Variants in BTN3A2 observed in about 807,000 individuals in gnomAD.
BTN3A2 encodes the protein butyrophilin subfamily 3 member A2.
BTN3A2 carries 25 observed loss-of-function variants against 37.6 expected under a neutral mutation model. That is an observed-to-expected ratio of 0.66 (90% confidence interval 0.48 to 0.93). The LOEUF (loss-of-function observed/expected upper bound fraction) is 0.93. BTN3A2 is among the 40% of genes least tolerant of loss of function. The pLI is 0.00. For synonymous variants in BTN3A2, 122 were observed against 159.4 expected (o/e 0.77, Z 1.77); for missense variants, 266 against 410.9 (o/e 0.65, Z 3.05).
chr6:26,377,093 A>C lies in BTN3A2; in HGVS notation c.*1331A>C. The C allele has an allele frequency of 1.5e-6, 2 of 1,339,404 alleles. No individual in the cohort carries two copies. The highest frequency in any genetic ancestry group is 3.4e-5 in the Admixed American group (2 of 59,420). 83.0% of individuals were successfully genotyped at this position (1,339,404 alleles called of 1,614,324 possible). ...AGCCCACTGCCCTGACCGTTTGCCC[A>C]ATACCAAAAGTAGAGAGTTCCCCCG... On this transcript the variant is annotated 3_prime_UTR_variant, in exon 11 of 11. Transcript: ENST00000377708.
chr6:26,374,841 G>C, intron 10 of BTN3A2, 43 bp downstream of exon 10: 1 of 1,487,996 alleles, frequency 6.7e-7, no homozygotes, highest in South Asian at 1.2e-5. Flanking sequence ...CAACCTGAGG[G>C]ACTATATTCC....
At position 26,370,684 on chromosome 6, in the gene BTN3A2, G is replaced by A. The variant is rs191631506; in HGVS notation, c.715+81G>A. 70 of 1,582,338 alleles carry A rather than the reference G, an allele frequency of 4.4e-5. No homozygotes were observed. In the African/African-American group the frequency reaches 6.7e-4, roughly 15 times the overall value. ...GGGGGATGTGTTAATATCTGTGGTC[G>A]ACCTGGGTCTCTGCACTGAATATAA... On this transcript the variant is annotated intron_variant, in intron 5 of 10. Transcript: ENST00000377708.
chr6:26,374,120 G>A (rs1760431800), intron 8 of BTN3A2: 9 of 479,432 alleles, frequency 1.9e-5, no homozygotes, highest in Middle Eastern at 5.8e-4. Flanking sequence ...GCGTTCAACC[G>A]ATGTTCCCAG....
Position 26,376,339 on chromosome 6 carries a change from G to A in BTN3A2, c.*577G>A. 4.3e-6 allele frequency: 1 copy of A among 232,210 alleles called. No homozygotes were observed. 14.4% of individuals were successfully genotyped at this position (232,210 alleles called of 1,614,324 possible). ...AAGAGGATCCTTGTTGCTTCTTGGG[G>A]CCGCATCAGGGTATTGGGTTAGGCA... On this transcript the variant is annotated 3_prime_UTR_variant, in exon 11 of 11. Transcript: ENST00000377708.
chr6:26,365,198 G>A lies in BTN3A2; in HGVS notation c.-221G>A, dbSNP rs1446423640. The A allele has an allele frequency of 9.2e-7, 1 of 1,086,378 alleles. No individual in the cohort carries two copies. Among genetic ancestry groups the A allele is most frequent in the Non-Finnish European group, 1.3e-6 (1 of 765,136 alleles). 67.3% of individuals were successfully genotyped at this position (1,086,378 alleles called of 1,614,324 possible). A position where few individuals can be genotyped will look rare whatever the true frequency, so the allele number is the denominator to read the frequency against. On this transcript the variant is annotated 5_prime_UTR_variant, in exon 1 of 11. Transcript: ENST00000377708. ...CAAAAAACTAATTCTTCCAAAGAGC[G>A]ACTCTTACTGTTTCTCATGGTGAGA...
rs1192533602 is a variant in BTN3A2, at chr6:26,368,827, C to T, written c.348C>T (p.Val116=). 1.2e-6 allele frequency: 2 copies of T among 1,607,546 alleles called. No homozygotes were observed. Among genetic ancestry groups the T allele is most frequent in the Non-Finnish European group, 1.7e-6 (2 of 1,176,722 alleles). ...AGKAALRIHN[V]TASDSGKYLC... is the part of the protein sequence containing the mutation. ...AGGCTGCTCTCCGAATACACAACGT[C>T]ACAGCCTCTGACAGTGGAAAGTACT... Residue 116 remains valine, a synonymous_variant, in exon 4 of 11, where the codon GTC becomes GTT. Coordinates refer to ENST00000377708, the MANE Select transcript of BTN3A2 (RefSeq NM_007047.5).
At chr6:26,367,232 C>T (rs917391966) in intron 1 of BTN3A2, among the ~76,000 whole-genome samples, 7 of 152,202 alleles carry the variant, frequency 4.6e-5, no homozygotes, top group Non-Finnish European at 8.8e-5. Flanking sequence ...GATGAGCCAT[C>T]ATTCCTCTAA....
At position 26,370,323 on chromosome 6, in the gene BTN3A2, A is replaced by T. The variant is rs1291203247; in HGVS notation, c.435A>T (p.Ala145=). 6.2e-7 allele frequency: 1 copy of T among 1,613,878 alleles called. No individual in the cohort carries two copies. The highest frequency in any genetic ancestry group is 8.5e-7 in the Non-Finnish European group (1 of 1,179,886). ...TTAGGCCAAATTATCCTTCCACAGC[A>T]CTGGGTTCTAATCTTCACGTCGAAG... ...EKALVELKVA[A]LGSNLHVEVK... is the part of the protein sequence containing the mutation. Residue 145 remains alanine, a splice_region_variant and synonymous_variant, in exon 5 of 11, where the codon GCA becomes GCT. Coordinates refer to ENST00000377708, the MANE Select transcript of BTN3A2 (RefSeq NM_007047.5).
chr6:26,371,496 G>C (rs1760108193), intron 5 of BTN3A2, among the ~76,000 whole-genome samples: 2 of 152,154 alleles, frequency 1.3e-5, no homozygotes, highest in African/African-American at 4.8e-5. Context: ...TCAGTCATTT[G>C]CTCATGTAAC....
Position 26,376,965 on chromosome 6 carries a change from C to G in BTN3A2, c.*1203C>G, listed in dbSNP as rs886627205. On this transcript the variant is annotated 3_prime_UTR_variant, in exon 11 of 11. Coordinates refer to ENST00000377708, the MANE Select transcript of BTN3A2 (RefSeq NM_007047.5). Reference sequence around the variant, plus strand: ...GGTCATCCTGGACTATGAGACTGGACATATCTCGTTCTACAATGCCACGGA... The same window carrying G: ...GGTCATCCTGGACTATGAGACTGGAGATATCTCGTTCTACAATGCCACGGA... 2.6e-5 allele frequency: 41 copies of G among 1,577,502 alleles called. No individual in the cohort carries two copies. The highest frequency in any genetic ancestry group is 1.7e-4 in the Admixed American group (10 of 59,786).
intron 10 of BTN3A2, chr6:26,375,391 G>A (rs1023276674): frequency 7.2e-6 from 3 of 417,724 alleles, no homozygotes; most frequent in East Asian, 8.0e-5. Context: ...GTAGCTTAAC[G>A]AGGGAGCTTC....
In BTN3A2 at chr6:26,374,386, G is replaced by C; in HGVS notation, c.*6+13G>C. 1 of 1,611,922 alleles carries C rather than the reference G, an allele frequency of 6.2e-7. No individual in the cohort carries two copies. On this transcript the variant is annotated intron_variant, in intron 9 of 10. Transcript: ENST00000377708. ...AGCCTGATGCTCTGTAAGTTTGCTGGGTCACATGCCCTGAATATTTCAACT... is the reference window on the plus strand; with the variant it reads ...AGCCTGATGCTCTGTAAGTTTGCTGCGTCACATGCCCTGAATATTTCAACT...
intron 1 of BTN3A2, among the ~76,000 whole-genome samples, chr6:26,366,554 G>A (rs1762083007): frequency 6.6e-6 from 1 of 152,140 alleles, no homozygotes; most frequent in African/African-American, 2.4e-5. Flanking sequence ...CTCCCTCTGA[G>A]GACAGCAGAG....
chr6:26,377,353 C>A lies in BTN3A2; in HGVS notation c.*1591C>A. 1.6e-6 allele frequency: 1 copy of A among 608,360 alleles called. No homozygotes were observed. Among genetic ancestry groups the A allele is most frequent in the Non-Finnish European group, 3.0e-6 (1 of 336,200 alleles). The allele number at this position is 608,360 out of a possible 1,614,324, so 37.7% of individuals were successfully genotyped here. ...TAGGACAGTTGTTTGAGTTTGGTGCCACCTTATTGGCCCCTTTATACAGAT... is the reference window on the plus strand; with the variant it reads ...TAGGACAGTTGTTTGAGTTTGGTGCAACCTTATTGGCCCCTTTATACAGAT... On this transcript the variant is annotated 3_prime_UTR_variant, in exon 11 of 11. Coordinates refer to ENST00000377708, the MANE Select transcript of BTN3A2 (RefSeq NM_007047.5).
intron 8 of BTN3A2, chr6:26,373,996 T>G (rs1276810439): frequency 8.0e-6 from 2 of 250,504 alleles, no homozygotes; most frequent in Non-Finnish European, 1.5e-5. Context: ...ATGAATCTTG[T>G]ACTCCTAGGC....
intron 8 of BTN3A2, 152 bp downstream of exon 8, chr6:26,373,565 C>A: frequency 1.7e-6 from 1 of 579,622 alleles, no homozygotes; most frequent in Non-Finnish European, 2.7e-6. Context: ...TTTGGAGAAA[C>A]CACCCAGTGC....
intron 4 of BTN3A2, among the ~76,000 whole-genome samples, chr6:26,369,167 C>T (rs1214703033): frequency 2.0e-5 from 3 of 152,108 alleles, no homozygotes; most frequent in Non-Finnish European, 2.9e-5. Flanking sequence ...AAGTGAAGGA[C>T]GAGGGATAGG....
rs1759972186 is a variant in BTN3A2 at position 26,370,340 on chromosome 6, A to G, written c.452A>G (p.His151Arg). Residue 151 changes from histidine to arginine, a missense_variant, in exon 5 of 11, where the codon CAC becomes CGC. Coordinates refer to ENST00000377708, the MANE Select transcript of BTN3A2 (RefSeq NM_007047.5). ...TCCACAGCACTGGGTTCTAATCTTC[A>G]CGTCGAAGTGAAGGGTTATGAGGAT... ...LKVAALGSNL[H>R]VEVKGYEDGG... 1.2e-6 allele frequency: 2 copies of G among 1,614,020 alleles called. No homozygotes were observed. Among genetic ancestry groups the G allele is most frequent in the African/African-American group, 2.7e-5 (2 of 74,900 alleles).
intron 5 of BTN3A2, among the ~76,000 whole-genome samples, chr6:26,371,663 C>A (rs1760126786): frequency 1.3e-5 from 2 of 151,750 alleles, no homozygotes; most frequent in South Asian, 4.2e-4. Context: ...TGAAAGGTTT[C>A]TGTTTTTCGT....
Sources: gnomAD v4.1 joint callset for allele counts (sites outside exome capture counted in the v4.1 genomes callset) on GRCh38, gnomAD v4.1.1 for gene constraint, MANE v1.5 for transcripts, NCBI Gene and HGNC (gene_info 2026-07-23, HGNC 2026-07-21) for gene names.